CCDC33: variants seen among roughly 807,000 people sequenced by gnomAD.
The protein encoded by CCDC33 is coiled-coil domain containing 33.
CCDC33 carries 94 observed loss-of-function variants against 91.9 expected under a neutral mutation model. The observed-to-expected ratio is 1.02, with a 90% CI of 0.87 to 1.21. The LOEUF (loss-of-function observed/expected upper bound fraction) is 1.21. CCDC33 is among the 50% of genes most tolerant of loss of function. The pLI is 0.00. For synonymous variants in CCDC33, 396 were observed against 374.5 expected, an observed-to-expected ratio of 1.06 and a Z score of -0.66; for missense variants, 940 against 935.5, an observed-to-expected ratio of 1.00 and a Z score of -0.06.
upstream of CCDC33, among the ~76,000 whole-genome samples, chr15:74,231,876 C>T (rs1340843729): frequency 4.6e-5 from 7 of 152,026 alleles, no homozygotes; most frequent in East Asian, 1.9e-4. Context: ...ATTAGCCGGG[C>T]GTGGTGGCAT....
rs34461827 is a variant in CCDC33 at position 74,223,774 on chromosome 15, G to GCA, written c.675+4934_675+4935dup. 9.4e-3 allele frequency among the ~76,000 whole-genome samples: 1,364 copies of GCA among 145,440 alleles called. 19 individuals are homozygous for GCA. The highest frequency in any genetic ancestry group is 0.029 in the African/African-American group (1,165 of 39,628). ...CACACACACACACACACGCAAGCAT[G>GCA]CACACACACACACACACACACAGCA... On this transcript the variant is annotated intron_variant, in intron 2 of 2. Coordinates refer to the CCDC33 transcript ENST00000635913.
At chr15:74,271,335 C>G (rs1472695963) in intron 5 of CCDC33, among the ~76,000 whole-genome samples, 1 of 152,172 alleles carries the variant, frequency 6.6e-6, no homozygotes, top group Non-Finnish European at 1.5e-5. Flanking sequence ...TAGCCCTACC[C>G]CTAGCCCAAC....
chr15:74,237,916 G>A (rs1035030865), intron 1 of CCDC33, among the ~76,000 whole-genome samples: 17 of 152,170 alleles, frequency 1.1e-4, no homozygotes, highest in Admixed American at 1.1e-3. Flanking sequence ...CGAGGCCGAG[G>A]CAGGAGTTTG....
chr15:74,260,376 C>G (rs749055609), intron 2 of CCDC33, among the ~76,000 whole-genome samples: 2 of 152,228 alleles, frequency 1.3e-5, no homozygotes, highest in African/African-American at 2.4e-5. Context: ...GGACGCTCAT[C>G]TGAGAAGGAC....
At chr15:74,225,721 A>C (rs1290033914) in intron 2 of CCDC33, among the ~76,000 whole-genome samples, 1 of 152,208 alleles carries the variant, frequency 6.6e-6, no homozygotes, top group Non-Finnish European at 1.5e-5. Flanking sequence ...CATATGTGAT[A>C]TATGAGGTGA....
chr15:74,212,951 A>C (rs2074382098), upstream of CCDC33: 1 of 152,164 alleles, frequency 6.6e-6, no homozygotes, highest in Non-Finnish European at 1.5e-5. Context: ...ATGGTGGCTC[A>C]CACCTATAAT....
upstream of CCDC33, among the ~76,000 whole-genome samples, chr15:74,231,375 G>C (rs781619272): frequency 6.6e-6 from 1 of 152,202 alleles, no homozygotes; most frequent in Non-Finnish European, 1.5e-5. Context: ...GCTTATGGGG[G>C]CCGGCCAGCC....
intron 2 of CCDC33, chr15:74,221,324 G>C (rs1384698998): frequency 1.0e-6 from 1 of 973,164 alleles, no homozygotes. Context: ...TAATCAAGAT[G>C]ATCCAGAATG....
chr15:74,209,383 C>G (rs1346399164), intron 1 of CCDC33: 2 of 1,535,628 alleles, frequency 1.3e-6, no homozygotes, highest in South Asian at 2.4e-5. Context: ...ATCCATCACT[C>G]CCAGGGGGCC....
chr15:74,271,372 C>G (rs189161305), intron 5 of CCDC33, among the ~76,000 whole-genome samples: 3 of 152,094 alleles, frequency 2.0e-5, no homozygotes, highest in Non-Finnish European at 4.4e-5. Flanking sequence ...GTGGAGGGGC[C>G]GAGGTTAGAA....
In CCDC33 at chr15:74,209,060, TCCAGTCTGGCTCTGC is replaced by T. The variant is rs756413705; in HGVS notation, n.90-325_90-311del. ...CTCCCGGAAGGCAGCTCCCCCCTTC[TCCAGTCTGGCTCTGC>T]CCCTCCTCCTGCCCTCACAGACCTC... On this transcript the variant is annotated intron_variant and non_coding_transcript_variant, in intron 1 of 3. Coordinates refer to the CCDC33 transcript ENST00000558645. The T allele has an allele frequency of 9.8e-4, 1,184 of 1,209,754 alleles. 2 individuals carry two copies. Among genetic ancestry groups the T allele is most frequent in the Middle Eastern group, 1.6e-3 (5 of 3,078 alleles). 74.9% of individuals were successfully genotyped at this position (1,209,754 alleles called of 1,614,324 possible).
At chr15:74,332,602 A>T in intron 15 of CCDC33, 77 bp from the exon 16 acceptor site, 22 of 1,521,784 alleles carry the variant, frequency 1.4e-5, no homozygotes, top group Non-Finnish European at 2.0e-5. Context: ...ATTGAAGCAA[A>T]ATGCTGGAGC....
At chr15:74,223,774 GCACACACA>G (rs34461827) in intron 2 of CCDC33, among the ~76,000 whole-genome samples, 1 of 145,506 alleles carries the variant, frequency 6.9e-6, no homozygotes, top group Admixed American at 6.8e-5. Context: ...ACGCAAGCAT[GCACACACA>G]CACACACACA....
intron 2 of CCDC33, among the ~76,000 whole-genome samples, chr15:74,227,067 T>C (rs1352713111): frequency 6.6e-6 from 1 of 152,146 alleles, no homozygotes; most frequent in Non-Finnish European, 1.5e-5. Context: ...GTGGAACTTA[T>C]ATCACATTTG....
intron 1 of CCDC33, among the ~76,000 whole-genome samples, chr15:74,240,609 T>G (rs574739565): frequency 6.6e-4 from 100 of 152,100 alleles, no homozygotes; most frequent in African/African-American, 1.5e-3. Flanking sequence ...AGGTCTTTTT[T>G]TTGTTGTTGT....
In CCDC33 at chr15:74,280,026, C is replaced by G; in HGVS notation, c.823C>G (p.Arg275Gly). Residue 275 changes from arginine (R) to glycine (G), a missense_variant, in exon 8 of 19, where the codon CGA becomes GGA. Arg to Gly is a moderately radical substitution (Grantham distance 125). Transcript: ENST00000398814. ...LWNQSFLFQG[R>G]DGATSFSEDT... The stretch of plus-strand genomic sequence containing the variant: ...GAATCAGTCCTTCCTCTTCCAAGGC[C>G]GAGATGGAGCTACCAGCTTCTCAGA... The G allele has an allele frequency of 1.2e-6, 2 of 1,614,178 alleles. No individual in the cohort carries two copies. The highest frequency in any genetic ancestry group is 1.3e-5 in the African/African-American group (1 of 75,044).
intron 16 of CCDC33, chr15:74,333,150 G>A (rs978879876): frequency 1.6e-6 from 2 of 1,259,704 alleles, no homozygotes; most frequent in Non-Finnish European, 2.3e-6. Context: ...CCCTACACAG[G>A]CCTCTCAAAA....
upstream of CCDC33, among the ~76,000 whole-genome samples, chr15:74,214,088 C>T (rs1490947793): frequency 2.0e-5 from 3 of 150,496 alleles, no homozygotes; most frequent in African/African-American, 4.9e-5. Flanking sequence ...GGAGGTGGAT[C>T]GTTGAAGATA....
intron 11 of CCDC33, among the ~76,000 whole-genome samples, chr15:74,322,213 C>G: frequency 6.6e-6 from 1 of 152,260 alleles, no homozygotes; most frequent in East Asian, 1.9e-4. Context: ...ATAATTTTTT[C>G]TTTTATTATC....
Sources: allele counts gnomAD v4.1 joint callset (sites outside exome capture counted in the v4.1 genomes callset), GRCh38; gene constraint gnomAD v4.1.1; transcripts MANE v1.5; gene names NCBI Gene and HGNC (gene_info 2026-07-23, HGNC 2026-07-21).